Variants in NUMB observed in about 807,000 individuals in gnomAD.
The protein encoded by NUMB is protein numb homolog.
NUMB carries 29 observed loss-of-function variants against 59.7 expected under a neutral mutation model. The ratio of observed to expected loss-of-function variants is 0.49; its 90% confidence interval spans 0.36 to 0.66. NUMB has a LOEUF of 0.66. NUMB is among the 30% of genes least tolerant of loss of function. NUMB has a pLI of 0.00. For synonymous variants in NUMB, 288 were observed against 288.2 expected (o/e 1.00, Z 0.01); for missense variants, 723 against 822.0 (o/e 0.88, Z 1.47).
intron 2 of NUMB, among the ~76,000 whole-genome samples, chr14:73,385,173 A>T (rs1274167077): frequency 1.3e-5 from 2 of 151,356 alleles, no homozygotes; most frequent in African/African-American, 4.9e-5. Flanking sequence ...ATTTTATTTT[A>T]TTTTTTTAGA....
intron 2 of NUMB, among the ~76,000 whole-genome samples, chr14:73,379,469 T>C (rs753440879): frequency 3.3e-5 from 5 of 152,096 alleles, no homozygotes; most frequent in African/African-American, 7.2e-5. Context: ...ACTGTCAAAA[T>C]AATGAAGAAA....
intron 1 of NUMB, among the ~76,000 whole-genome samples, chr14:73,447,817 C>G (rs1173325016): frequency 2.7e-5 from 4 of 148,456 alleles, no homozygotes. Flanking sequence ...GAGGCTGACT[C>G]TGTCACCCAG....
Position 73,445,354 on chromosome 14 carries a change from C to CAAAAAAAA in NUMB, c.-233+13131_-233+13138dup, listed in dbSNP as rs752154048. On this transcript the variant is annotated intron_variant, in intron 1 of 12. Coordinates refer to ENST00000555238, the MANE Select transcript of NUMB (RefSeq NM_001005743.2). ...TGAGTGACAAAGTGAGACCCTGTCT[C>CAAAAAAAA]AAAAAAAAAAAAAAAAAAAAAAAAA... 1.8e-3 allele frequency among the ~76,000 whole-genome samples: 102 copies of CAAAAAAAA among 57,556 alleles called. 11 individuals carry two copies. Among genetic ancestry groups the CAAAAAAAA allele is most frequent in the Non-Finnish European group, 2.4e-3 (73 of 30,702 alleles). 37.8% of individuals were successfully genotyped at this position (57,556 alleles called of 152,430 possible).
In NUMB at chr14:73,303,784, A is replaced by G. The variant is rs963944157; in HGVS notation, c.235-6499T>C. Reference sequence around the variant, plus strand: ...GAAAAAGTTTCACAATAAAGACAAAAATCCTTTTTTTTTCAAAGAAAACCG... The same window carrying G: ...GAAAAAGTTTCACAATAAAGACAAAGATCCTTTTTTTTTCAAAGAAAACCG... On this transcript the variant is annotated intron_variant, in intron 6 of 12. Coordinates refer to ENST00000555238, the MANE Select transcript of NUMB (RefSeq NM_001005743.2). Among the ~76,000 whole-genome samples, 4 of 54,582 alleles carry G rather than the reference A, an allele frequency of 7.3e-5. 1 individual carries two copies. 35.8% of individuals were successfully genotyped at this position (54,582 alleles called of 152,430 possible).
intron 1 of NUMB, among the ~76,000 whole-genome samples, chr14:73,414,941 C>T (rs138354780): frequency 0.023 from 3,480 of 152,180 alleles, 69 homozygotes; most frequent in Non-Finnish European, 0.036. Flanking sequence ...AGGATGGTCT[C>T]GATCTGCTGA....
rs139917603 is a variant in NUMB at position 73,319,249 on chromosome 14, C to T, written c.202-2827G>A. ...CTGCACTCCAGCCTGGGTGACAGAG[C>T]GAAACTCCACTCCAAAAAAAATGAA... On this transcript the variant is annotated intron_variant, in intron 5 of 12. Coordinates refer to ENST00000555238, the MANE Select transcript of NUMB (RefSeq NM_001005743.2). Among the ~76,000 whole-genome samples the T allele has an allele frequency of 4.5e-3, 690 of 151,898 alleles. 4 individuals are homozygous for T. The highest frequency in any genetic ancestry group is 0.016 in the African/African-American group (669 of 41,418).
chr14:73,441,476 G>T (rs1000556731), intron 1 of NUMB, among the ~76,000 whole-genome samples: 1 of 152,046 alleles, frequency 6.6e-6, no homozygotes, highest in Admixed American at 6.5e-5. Context: ...GGGAGAGGTT[G>T]TGGTGAGCCA....
chr14:73,430,296 C>T (rs1244793877), intron 1 of NUMB, among the ~76,000 whole-genome samples: 4 of 151,940 alleles, frequency 2.6e-5, no homozygotes, highest in Non-Finnish European at 4.4e-5. Context: ...ATATGACAAC[C>T]TGCCAAATTG....
chr14:73,429,094 G>A lies in NUMB; in HGVS notation c.-232-19026C>T, dbSNP rs748817278. Among the ~76,000 whole-genome samples, 109 of 152,136 alleles carry A rather than the reference G, an allele frequency of 7.2e-4. 2 individuals carry two copies. The highest frequency in any genetic ancestry group is 5.9e-4 in the Non-Finnish European group (40 of 68,026). On this transcript the variant is annotated intron_variant, in intron 1 of 12. Coordinates refer to ENST00000555238, the MANE Select transcript of NUMB (RefSeq NM_001005743.2). ...GGTCAATTTTCTTTCCCTAGGGGCC[G>A]GGCACAGTGGCTCACGCCTGTAATC...
At chr14:73,303,343 G>A (rs1890253127) in intron 6 of NUMB, among the ~76,000 whole-genome samples, 1 of 152,156 alleles carries the variant, frequency 6.6e-6, no homozygotes, top group African/African-American at 2.4e-5. Context: ...ACTTTGGGAG[G>A]CCAGGGCCAG....
intron 2 of NUMB, among the ~76,000 whole-genome samples, chr14:73,372,583 CT>C (rs1894765745): frequency 6.6e-6 from 1 of 150,916 alleles, no homozygotes; most frequent in Admixed American, 6.6e-5. Context: ...TTATTTCAGC[CT>C]TTTCTCTTTT....
At chr14:73,419,931 T>C (rs7157096) in intron 1 of NUMB, among the ~76,000 whole-genome samples, 7,833 of 152,270 alleles carry the variant, frequency 0.051, 650 homozygotes, top group African/African-American at 0.18. Flanking sequence ...AGTAGTGCCA[T>C]CTTGGCTCAT....
intron 2 of NUMB, among the ~76,000 whole-genome samples, chr14:73,398,542 T>C (rs1470722716): frequency 6.6e-6 from 1 of 151,952 alleles, no homozygotes; most frequent in African/African-American, 2.4e-5. Flanking sequence ...TGCCCATTTG[T>C]ATTTTCAAAA....
intron 5 of NUMB, among the ~76,000 whole-genome samples, chr14:73,320,374 A>T (rs1199728636): frequency 6.6e-6 from 1 of 152,174 alleles, no homozygotes; most frequent in Non-Finnish European, 1.5e-5. Context: ...GAAAACAATC[A>T]CCAACATATC....
At chr14:73,445,252 G>T (rs1883389185) in intron 1 of NUMB, among the ~76,000 whole-genome samples, 1 of 151,048 alleles carries the variant, frequency 6.6e-6, no homozygotes, top group Admixed American at 6.6e-5. Flanking sequence ...TACCCAGGAG[G>T]CTGAGGCAAG....
At chr14:73,436,205 C>A (rs550490228) in intron 1 of NUMB, among the ~76,000 whole-genome samples, 11 of 152,228 alleles carry the variant, frequency 7.2e-5, no homozygotes, top group African/African-American at 2.6e-4. Flanking sequence ...TTTTAAAGTA[C>A]ATTTTAAACA....
chr14:73,330,047 C>T (rs1179545947), intron 4 of NUMB, among the ~76,000 whole-genome samples: 1 of 152,102 alleles, frequency 6.6e-6, no homozygotes, highest in Non-Finnish European at 1.5e-5. Context: ...AAAGTATTTT[C>T]TTTTCTTTTG....
intron 4 of NUMB, among the ~76,000 whole-genome samples, chr14:73,336,056 A>G (rs570927684): frequency 5.3e-5 from 8 of 152,328 alleles, no homozygotes; most frequent in South Asian, 2.1e-4. Flanking sequence ...GTGAGATCCC[A>G]AAACTTTACT....
At chr14:73,429,979 G>A (rs768302631) in intron 1 of NUMB, among the ~76,000 whole-genome samples, 4 of 150,920 alleles carry the variant, frequency 2.7e-5, no homozygotes, top group South Asian at 2.1e-4. Context: ...GGCAAAAACC[G>A]CAATTACTTT....
Sources: allele counts gnomAD v4.1 joint callset (sites outside exome capture counted in the v4.1 genomes callset), GRCh38; gene constraint gnomAD v4.1.1; transcripts MANE v1.5; gene names NCBI Gene and HGNC (gene_info 2026-07-23, HGNC 2026-07-21).